The following REDIC1 variants were observed in gnomAD, a reference collection of about 807,000 sequenced individuals.
The protein encoded by REDIC1 is HEI10 Interacting Protein 1.
At chr12:39,830,044 A>C in the REDIC1 span, 1 of 1,607,408 alleles carries the variant, frequency 6.2e-7, no homozygotes, top group Non-Finnish European at 8.5e-7. Flanking sequence ...TGAAAACTTA[A>C]ACATAAGCCT....
the REDIC1 span, among the ~76,000 whole-genome samples, chr12:39,899,571 T>C: frequency 6.6e-6 from 1 of 152,180 alleles, no homozygotes; most frequent in African/African-American, 2.4e-5. Context: ...AATTGTGATG[T>C]TAGGGTGTCA....
the REDIC1 span, among the ~76,000 whole-genome samples, chr12:39,891,688 C>T: frequency 1.3e-5 from 2 of 152,072 alleles, no homozygotes; most frequent in African/African-American, 4.8e-5. Context: ...ATATTAGAAA[C>T]CTGGTGGCTC....
the REDIC1 span, among the ~76,000 whole-genome samples, chr12:39,800,654 T>G: frequency 3.5e-5 from 1 of 28,966 alleles, no homozygotes; most frequent in Non-Finnish European, 7.1e-5. Context: ...GGTGGGACTG[T>G]AAACTAGTTC....
the REDIC1 span, among the ~76,000 whole-genome samples, chr12:39,810,370 C>T: frequency 6.6e-6 from 1 of 151,948 alleles, no homozygotes; most frequent in Non-Finnish European, 1.5e-5. Flanking sequence ...CTACAATGAC[C>T]TTTTTTGAGA....
chr12:39,655,806 T>C, the REDIC1 span, among the ~76,000 whole-genome samples: 3 of 152,152 alleles, frequency 2.0e-5, no homozygotes, highest in Non-Finnish European at 4.4e-5. Flanking sequence ...CTACTAAGGC[T>C]CAGTAGTTTT....
At chr12:39,671,388 A>G in the REDIC1 span, among the ~76,000 whole-genome samples, 1 of 152,158 alleles carries the variant, frequency 6.6e-6, no homozygotes, top group African/African-American at 2.4e-5. Context: ...TGGGGATGGG[A>G]TGCCAGGTGG....
chr12:39,845,540 TA>T, the REDIC1 span, among the ~76,000 whole-genome samples: 1 of 152,152 alleles, frequency 6.6e-6, no homozygotes, highest in Non-Finnish European at 1.5e-5. Flanking sequence ...CATGAAAAAC[TA>T]TATGTGTGAA....
chr12:39,661,459 T>C, the REDIC1 span, among the ~76,000 whole-genome samples: 1 of 152,152 alleles, frequency 6.6e-6, no homozygotes, highest in Non-Finnish European at 1.5e-5. Context: ...ATGTCTTCTT[T>C]TGAGAAGTGT....
chr12:39,766,057 A>G, the REDIC1 span, among the ~76,000 whole-genome samples: 1 of 152,104 alleles, frequency 6.6e-6, no homozygotes, highest in Non-Finnish European at 1.5e-5. Context: ...ACAGCACTTT[A>G]TAGTTTCCTT....
the REDIC1 span, among the ~76,000 whole-genome samples, chr12:39,786,501 G>A: frequency 6.6e-6 from 1 of 151,846 alleles, no homozygotes; most frequent in Non-Finnish European, 1.5e-5. Context: ...AGCTCTCTGG[G>A]GCTGGTCATG....
the REDIC1 span, chr12:39,829,717 G>A: frequency 1.2e-5 from 3 of 242,380 alleles, no homozygotes; most frequent in South Asian, 1.1e-4. Flanking sequence ...CCAACCTAAC[G>A]TGATAGTAAT....
the REDIC1 span, among the ~76,000 whole-genome samples, chr12:39,787,699 A>G: frequency 6.6e-6 from 1 of 152,166 alleles, no homozygotes; most frequent in African/African-American, 2.4e-5. Context: ...TTAGCATGCA[A>G]ATGAATAAAT....
the REDIC1 span, among the ~76,000 whole-genome samples, chr12:39,796,774 T>C: frequency 6.6e-6 from 1 of 152,200 alleles, no homozygotes; most frequent in Non-Finnish European, 1.5e-5. Context: ...AATAAGAATG[T>C]AGCATCATTT....
the REDIC1 span, among the ~76,000 whole-genome samples, chr12:39,811,480 C>T: frequency 3.3e-5 from 5 of 152,106 alleles, no homozygotes; most frequent in Non-Finnish European, 7.4e-5. Context: ...CTTTAGCTGT[C>T]CCCTGACGTT....
the REDIC1 span, among the ~76,000 whole-genome samples, chr12:39,705,997 G>C: frequency 6.6e-6 from 1 of 151,914 alleles, no homozygotes; most frequent in African/African-American, 2.4e-5. Context: ...AGAAATAAAG[G>C]GCATCCAAAT....
the REDIC1 span, among the ~76,000 whole-genome samples, chr12:39,705,979 CAA>C: frequency 2.0e-5 from 3 of 151,610 alleles, no homozygotes; most frequent in Non-Finnish European, 2.9e-5. Context: ...GAGCATGAGA[CAA>C]GAGAAAGAAA....
chr12:39,713,249 C>T, the REDIC1 span, among the ~76,000 whole-genome samples: 33 of 119,440 alleles, frequency 2.8e-4, 3 homozygotes, highest in African/African-American at 9.7e-4. Flanking sequence ...TATGTGTACA[C>T]ACACATACGT....
chr12:39,826,762 T>C, the REDIC1 span, among the ~76,000 whole-genome samples: 3 of 149,922 alleles, frequency 2.0e-5, no homozygotes, highest in Admixed American at 1.3e-4. Context: ...TCATATAAAA[T>C]ACACATATAT....
the REDIC1 span, chr12:39,626,318 T>G: frequency 6.2e-7 from 1 of 1,613,966 alleles, no homozygotes; most frequent in Non-Finnish European, 8.5e-7. Context: ...GGGACCTCAG[T>G]GTCAAAAGAT....
Sources: allele counts gnomAD v4.1 joint callset (sites outside exome capture counted in the v4.1 genomes callset), GRCh38; gene constraint gnomAD v4.1.1; transcripts MANE v1.5; gene names NCBI Gene and HGNC (gene_info 2026-07-23, HGNC 2026-07-21).